The following NAA16 variants were observed in gnomAD, a reference collection of about 807,000 sequenced individuals.
NAA16 encodes the protein N-alpha-acetyltransferase 16, NatA auxiliary subunit.
In NAA16, 97 loss-of-function variants were observed where a neutral mutation model predicts 110.3. That is an observed-to-expected ratio of 0.88 (90% CI 0.75 to 1.04). NAA16 has a LOEUF of 1.04. NAA16 is among the 50% of genes least tolerant of loss of function. The pLI is 0.00. For missense variants in NAA16, 1,017 were observed against 1,005.1 expected, an observed-to-expected ratio of 1.01 and a Z score of -0.16; for synonymous variants, 372 against 330.6, an observed-to-expected ratio of 1.13 and a Z score of -1.36.
intron 10 of NAA16, among the ~76,000 whole-genome samples, chr13:41,356,961 C>CT (rs1275768117): frequency 1.3e-5 from 2 of 152,136 alleles, no homozygotes; most frequent in African/African-American, 2.4e-5. Flanking sequence ...GGTTTTCTCT[C>CT]TTTTTTGATG....
chr13:41,358,543 C>A lies in NAA16; in HGVS notation c.1257+70C>A, dbSNP rs768736429. The A allele has an allele frequency of 1.9e-6, 3 of 1,577,040 alleles. No individual in the cohort carries two copies. The Admixed American group carries it at 5.5e-5, about 29-fold the overall frequency. ...ACTTTAAGAATCCTTGGAGTTTTTTCTTTGTGGAAACAAGTTCTAGGGCAC... is the reference window on the plus strand; with the variant it reads ...ACTTTAAGAATCCTTGGAGTTTTTTATTTGTGGAAACAAGTTCTAGGGCAC... On this transcript the variant is annotated intron_variant, in intron 11 of 19. Coordinates refer to ENST00000379406, the MANE Select transcript of NAA16 (RefSeq NM_024561.5).
chr13:41,323,326 T>G, intron 5 of NAA16, 136 bp downstream of exon 5: 1 of 823,842 alleles, frequency 1.2e-6, no homozygotes, highest in South Asian at 1.8e-5. Flanking sequence ...TTGGAAACAG[T>G]TAAAATGTAG....
Position 41,341,344 on chromosome 13 carries a change from T to G in NAA16, c.1014+4588T>G, listed in dbSNP as rs1157687004. On this transcript the variant is annotated intron_variant, in intron 9 of 19. Coordinates refer to ENST00000379406, the MANE Select transcript of NAA16 (RefSeq NM_024561.5). ...GATATCATCTCATTGAAAATATCAG[T>G]TGTGTATTTATAGGTAATAACCAAC... Among the ~76,000 whole-genome samples the G allele has an allele frequency of 2.6e-5, 4 of 152,206 alleles. No individual in the cohort carries two copies. The South Asian group carries it at 8.3e-4, about 32-fold the overall frequency.
chr13:41,330,338 G>A (rs2042205729), intron 7 of NAA16, among the ~76,000 whole-genome samples: 1 of 151,856 alleles, frequency 6.6e-6, no homozygotes, highest in Non-Finnish European at 1.5e-5. Context: ...CTTGATGCTT[G>A]ATATTAATCT....
At chr13:41,358,499 G>A in intron 11 of NAA16, 26 bp downstream of exon 11, 1 of 1,611,226 alleles carries the variant, frequency 6.2e-7, no homozygotes, top group Non-Finnish European at 8.5e-7. Context: ...TGTTTTTTGA[G>A]TAGTTGAAGA....
chr13:41,371,083 G>A (rs1046169504), intron 15 of NAA16, among the ~76,000 whole-genome samples: 2 of 152,116 alleles, frequency 1.3e-5, no homozygotes. Context: ...GGCGGTAAAG[G>A]GCTTCAAGAT....
intron 13 of NAA16, 93 bp from the exon 14 acceptor site, chr13:41,367,346 A>G: frequency 1.2e-6 from 1 of 826,716 alleles, no homozygotes; most frequent in Non-Finnish European, 1.9e-6. Flanking sequence ...GACTGTTTAA[A>G]TTGTTTTTTG....
chr13:41,374,380 C>T, intron 18 of NAA16: 1 of 161,166 alleles, frequency 6.2e-6, no homozygotes, highest in East Asian at 1.8e-4. Context: ...GGCTGAAATA[C>T]TGATTGATGC....
At chr13:41,339,438 C>G (rs960157080) in intron 9 of NAA16, among the ~76,000 whole-genome samples, 1 of 151,768 alleles carries the variant, frequency 6.6e-6, no homozygotes, top group Non-Finnish European at 1.5e-5. Context: ...CGCGCCTGGC[C>G]GAAATGTATT....
chr13:41,354,339 T>TACCTTCTG (rs1356997186), intron 9 of NAA16, among the ~76,000 whole-genome samples: 2 of 152,160 alleles, frequency 1.3e-5, no homozygotes, highest in African/African-American at 4.8e-5. Context: ...TATACCTTCT[T>TACCTTCTG]ATATTAAATG....
chr13:41,341,595 C>T (rs1391334810), intron 9 of NAA16, among the ~76,000 whole-genome samples: 1 of 151,852 alleles, frequency 6.6e-6, no homozygotes, highest in Non-Finnish European at 1.5e-5. Context: ...CATGTACCTG[C>T]ACTCCCAGCT....
In NAA16 at chr13:41,373,653, T is replaced by A. The variant is rs1043000102; in HGVS notation, c.2172T>A (p.Asn724Lys). ...RFSKSVSNHS[N>K]LPDIVSKVLS... is the part of the protein sequence containing the mutation. The stretch of plus-strand genomic sequence containing the variant: ...TTTTTATAGTGTCTAATCATAGTAA[T>A]CTTCCAGACATTGTGAGCAAAGTTC... Residue 724 changes from asparagine (N) to lysine (K), a missense_variant, in exon 18 of 20, where the codon AAT (asparagine) becomes AAA (lysine). By Grantham distance (94) the Asn-to-Lys change is moderately conservative. Coordinates refer to ENST00000379406, the MANE Select transcript of NAA16 (RefSeq NM_024561.5). 6.9e-6 allele frequency: 11 copies of A among 1,601,792 alleles called. No homozygotes were observed. In the African/African-American group the frequency reaches 1.5e-4, roughly 22 times the overall value.
chr13:41,348,305 C>T (rs1414037803), intron 9 of NAA16, among the ~76,000 whole-genome samples: 4 of 152,116 alleles, frequency 2.6e-5, no homozygotes, highest in African/African-American at 9.7e-5. Flanking sequence ...GTAGCTGGGA[C>T]TACCGGCGTG....
intron 1 of NAA16, among the ~76,000 whole-genome samples, chr13:41,315,676 A>G (rs893751889): frequency 2.6e-5 from 4 of 151,832 alleles, no homozygotes; most frequent in African/African-American, 9.7e-5. Flanking sequence ...GTGTGTGTGT[A>G]TGCGTGCACA....
intron 9 of NAA16, chr13:41,354,411 A>G (rs2042925343): frequency 6.6e-6 from 1 of 152,258 alleles, no homozygotes. Flanking sequence ...TTTGTGACAC[A>G]TGACCACTTC....
chr13:41,345,800 C>G (rs564177232), intron 9 of NAA16, among the ~76,000 whole-genome samples: 61 of 152,346 alleles, frequency 4.0e-4, no homozygotes, highest in African/African-American at 1.4e-3. Flanking sequence ...TCTTAAATTC[C>G]TGGACTCAAG....
rs985155585 is a variant in NAA16 at position 41,358,811 on chromosome 13, A to G, written c.1259A>G (p.His420Arg). 4 of 1,597,618 alleles carry G rather than the reference A, an allele frequency of 2.5e-6. No homozygotes were observed. In the Admixed American group the frequency reaches 5.1e-5, roughly 20 times the overall value. ...GGTTCCTTTAATTATCTTTTATAGCATATAGGTAATCTCAAAGAAGCTGCA... is the reference window on the plus strand; with the variant it reads ...GGTTCCTTTAATTATCTTTTATAGCGTATAGGTAATCTCAAAGAAGCTGCA... ...LFYMKAKIYK[H>R]IGNLKEAAKW... The change falls in exon 12 of 20, where the codon CAT becomes CGT. Residue 420 changes from histidine (H) to arginine (R), a missense_variant and splice_region_variant. Transcript: ENST00000379406.
intron 15 of NAA16, among the ~76,000 whole-genome samples, chr13:41,370,648 G>C (rs1314685461): frequency 6.6e-6 from 1 of 152,178 alleles, no homozygotes; most frequent in Admixed American, 6.5e-5. Flanking sequence ...TACCTTGCCA[G>C]TAAGGGACTG....
chr13:41,342,187 G>T (rs1163344414), intron 9 of NAA16, among the ~76,000 whole-genome samples: 4 of 150,822 alleles, frequency 2.7e-5, no homozygotes, highest in East Asian at 1.9e-4. Flanking sequence ...GCCCAGGCTG[G>T]AGTGCAGTGG....
Sources: allele counts gnomAD v4.1 joint callset (sites outside exome capture counted in the v4.1 genomes callset), GRCh38; gene constraint gnomAD v4.1.1; transcripts MANE v1.5; gene names NCBI Gene and HGNC (gene_info 2026-07-23, HGNC 2026-07-21).